CLPTM1: variants seen among roughly 807,000 people sequenced by gnomAD.
CLPTM1 encodes the protein CLPTM1 regulator of GABA type A receptor forward trafficking, also known as putative lipid scramblase CLPTM1.
In CLPTM1, 21 loss-of-function variants were observed where a neutral mutation model predicts 77.3. The observed-to-expected ratio is 0.27, with a 90% CI of 0.19 to 0.39. The LOEUF is 0.39. CLPTM1 is among the 10% of genes least tolerant of loss of function. CLPTM1 has a pLI of 1.00. For missense variants in CLPTM1, 642 were observed against 921.2 expected (o/e 0.70, Z 3.92); for synonymous variants, 373 against 381.0 (o/e 0.98, Z 0.24).
chr19:44,963,737 A>G (rs923318344), intron 2 of CLPTM1, among the ~76,000 whole-genome samples: 1 of 152,134 alleles, frequency 6.6e-6, no homozygotes, highest in South Asian at 2.1e-4. Flanking sequence ...CTCCTGCCTC[A>G]GCCTCCTGAG....
rs1971114907 is a variant in CLPTM1, at chr19:44,993,226, C to T, written c.*329C>T. 7.4e-6 allele frequency: 4 copies of T among 543,098 alleles called. No individual in the cohort carries two copies. The Admixed American group carries it at 8.9e-5, about 12-fold the overall frequency. The allele number at this position is 543,098 out of a possible 1,614,324, so 33.6% of individuals were successfully genotyped here. ...GGGGCCGGGCCCCCCTACGGGATGC[C>T]CACGGCCGTTCATCATCTTGTCCCT... On this transcript the variant is annotated 3_prime_UTR_variant, in exon 14 of 14. Coordinates refer to ENST00000337392, the MANE Select transcript of CLPTM1 (RefSeq NM_001294.4).
At chr19:44,961,261 G>C (rs1046610143) in intron 1 of CLPTM1, among the ~76,000 whole-genome samples, 8 of 152,218 alleles carry the variant, frequency 5.3e-5, no homozygotes, top group Non-Finnish European at 1.0e-4. Flanking sequence ...CTGATAGTCT[G>C]GTTGTGTTTT....
At chr19:44,973,267 T>G in intron 3 of CLPTM1, 57 bp downstream of exon 3, 1 of 1,610,146 alleles carries the variant, frequency 6.2e-7, no homozygotes, top group South Asian at 1.1e-5. Context: ...AGGGGTGGAA[T>G]GTGGAGGAGT....
rs369882526 is a variant in CLPTM1 at position 44,992,931 on chromosome 19, C to T, written c.*34C>T. On this transcript the variant is annotated 3_prime_UTR_variant, in exon 14 of 14. Transcript: ENST00000337392. This position sits in a 1 kb window ranked among gnomAD's most constrained non-coding sequence, Gnocchi z 7.7. ...GGTCCTCACCTGCTCCGGCTCCTGG[C>T]GACCACTACCCCTGCGTCCCGGCCC... is the stretch of plus-strand genomic sequence containing the variant. 2.0e-5 allele frequency: 32 copies of T among 1,601,980 alleles called. No individual in the cohort carries two copies. The East Asian group carries it at 4.0e-4, about 20-fold the overall frequency.
chr19:44,970,892 A>G (rs1970707333), intron 2 of CLPTM1, among the ~76,000 whole-genome samples: 1 of 138,796 alleles, frequency 7.2e-6, no homozygotes, highest in Non-Finnish European at 1.5e-5. Flanking sequence ...GTGCCATGGC[A>G]CGATCTCGGT....
chr19:44,980,508 CAAAAA>C (rs74516090), intron 5 of CLPTM1, among the ~76,000 whole-genome samples: 33 of 93,072 alleles, frequency 3.5e-4, no homozygotes, highest in Non-Finnish European at 6.0e-4. Flanking sequence ...GACTCCATCT[CAAAAA>C]AAAAAAAAAA....
chr19:44,987,136 C>T (rs1459648793), intron 7 of CLPTM1, 43 bp from the exon 8 acceptor site: 5 of 1,580,918 alleles, frequency 3.2e-6, no homozygotes, highest in Non-Finnish European at 4.3e-6. Context: ...GTACCCTGGC[C>T]TCCTGCCCGG....
intron 3 of CLPTM1, among the ~76,000 whole-genome samples, chr19:44,973,940 T>G (rs1258184357): frequency 8.8e-6 from 1 of 113,660 alleles, no homozygotes; most frequent in East Asian, 2.5e-4. Flanking sequence ...ATTTTTTGTA[T>G]TTTTAGTAGA....
chr19:44,988,276 G>A lies in CLPTM1; in HGVS notation c.1132+103G>A, dbSNP rs964385706. The A allele has an allele frequency of 3.5e-6, 3 of 868,896 alleles. No homozygotes were observed. In the African/African-American group the frequency reaches 4.9e-5, roughly 14 times the overall value. 53.8% of individuals were successfully genotyped at this position (868,896 alleles called of 1,614,324 possible). ...CTCCCCACATGTCCTCCCCCTGCCT[G>A]GGGTCTCTCAGCCCCACTCTCCAGA... On this transcript the variant is annotated intron_variant, in intron 9 of 13. Coordinates refer to ENST00000337392, the MANE Select transcript of CLPTM1 (RefSeq NM_001294.4).
chr19:44,968,915 G>C (rs1240574874), intron 2 of CLPTM1, among the ~76,000 whole-genome samples: 5 of 152,182 alleles, frequency 3.3e-5, no homozygotes, highest in Non-Finnish European at 1.5e-5. Context: ...CGATGGCTCA[G>C]CTGGACCGTG....
At chr19:44,969,913 C>A (rs530836790) in intron 2 of CLPTM1, among the ~76,000 whole-genome samples, 4 of 147,990 alleles carry the variant, frequency 2.7e-5, no homozygotes, top group African/African-American at 1.0e-4. Context: ...GTCTCGAACT[C>A]CTGACCTCAA....
intron 7 of CLPTM1, chr19:44,986,782 G>C: frequency 1.7e-6 from 1 of 594,282 alleles, no homozygotes; most frequent in South Asian, 2.3e-5. Context: ...ACTTCTACAC[G>C]CCAGCATCGG....
At chr19:44,966,220 G>A (rs925076115) in intron 2 of CLPTM1, among the ~76,000 whole-genome samples, 6 of 152,140 alleles carry the variant, frequency 3.9e-5, no homozygotes, top group Non-Finnish European at 1.5e-5. Context: ...GACCATCCTG[G>A]CTAACACAGT....
intron 2 of CLPTM1, among the ~76,000 whole-genome samples, chr19:44,966,927 C>T (rs927222973): frequency 1.3e-4 from 20 of 152,016 alleles, no homozygotes; most frequent in Non-Finnish European, 2.1e-4. Flanking sequence ...CTGCAAGCTC[C>T]GCCTCCTAGG....
rs1450349917 is a variant in CLPTM1, at chr19:44,992,676, G to A, written c.1789G>A (p.Glu597Lys). The A allele has an allele frequency of 6.2e-7, 1 of 1,613,840 alleles. No homozygotes were observed. The highest frequency in any genetic ancestry group is 1.1e-5 in the South Asian group (1 of 91,076). ...CCGCGTCGACCCCACCCGAGTCAAC[G>A]AGTTTGGCATGAGTGGAGAAGACCC... The part of the protein sequence containing the change: ...IYRVDPTRVN[E>K]FGMSGEDPTA... Residue 597 changes from glutamate (E) to lysine (K), a missense_variant, in exon 14 of 14, where the codon GAG becomes AAG. This residue lies in a region of CLPTM1 where 521 missense variants were observed against 800.4 expected (regional missense o/e 0.65). Transcript: ENST00000337392. The surrounding 1 kb of genome is among the most constrained non-coding windows in gnomAD (Gnocchi z 7.7).
Position 44,991,034 on chromosome 19 carries a change from A to G in CLPTM1, c.1419+89A>G. The stretch of plus-strand genomic sequence containing the variant: ...CCGGGGCCGGCCATCTGTCTGCCGG[A>G]CCCATGCTTTACAGCCTGTGCCACA... On this transcript the variant is annotated intron_variant, in intron 11 of 13. Transcript: ENST00000337392. This position sits in a 1 kb window ranked among gnomAD's most constrained non-coding sequence, Gnocchi z 5.4. 1 of 1,329,232 alleles carries G rather than the reference A, an allele frequency of 7.5e-7. No homozygotes were observed. The allele number at this position is 1,329,232 out of a possible 1,614,324, so 82.3% of individuals were successfully genotyped here. A position where few individuals can be genotyped will look rare whatever the true frequency, so the allele number is the denominator to read the frequency against.
intron 4 of CLPTM1, among the ~76,000 whole-genome samples, chr19:44,975,029 T>C (rs1970784320): frequency 1.4e-5 from 2 of 146,058 alleles, no homozygotes; most frequent in South Asian, 2.3e-4. Context: ...GGAACTGTTA[T>C]TATTCTCATT....
intron 2 of CLPTM1, among the ~76,000 whole-genome samples, chr19:44,968,430 A>G (rs1970668135): frequency 1.3e-5 from 2 of 152,192 alleles, no homozygotes; most frequent in Admixed American, 1.3e-4. Context: ...GTCTTTTCAT[A>G]TATTTAAAAA....
At chr19:44,983,338 TC>T (rs1443862228) in intron 5 of CLPTM1, among the ~76,000 whole-genome samples, 4 of 151,624 alleles carry the variant, frequency 2.6e-5, no homozygotes, top group Admixed American at 2.6e-4. Flanking sequence ...AGCTGAAAAG[TC>T]CCCGGGCTCA....
Sources: allele counts gnomAD v4.1 joint callset (sites outside exome capture counted in the v4.1 genomes callset), GRCh38; gene constraint gnomAD v4.1.1; regional missense constraint gnomAD v4.1.1; non-coding constraint Gnocchi (gnomAD v3.1); transcripts MANE v1.5; gene names NCBI Gene and HGNC (gene_info 2026-07-23, HGNC 2026-07-21).